The following CYP4B1 variants were observed in gnomAD, a reference collection of about 807,000 sequenced individuals.
CYP4B1 encodes cytochrome P450 family 4 subfamily B member 1, also known as cytochrome P450 4B1.
A neutral mutation model predicts 54.0 loss-of-function variants in CYP4B1; 45 were observed. That is an observed-to-expected ratio of 0.83 (90% CI 0.66 to 1.07). The LOEUF (loss-of-function observed/expected upper bound fraction) is 1.07, where lower values mean the gene tolerates loss of function less well. Ranked by LOEUF, CYP4B1 falls within the 50% of genes least tolerant of loss-of-function variation. The probability of loss-of-function intolerance (pLI) is 0.00; values close to 1 mark genes in which losing one functional copy is unlikely to be tolerated. For synonymous variants in CYP4B1, 248 were observed against 247.5 expected (o/e 1.00, Z -0.02); for missense variants, 656 against 655.4 (o/e 1.00, Z -0.01).
intron 1 of CYP4B1, among the ~76,000 whole-genome samples, chr1:46,805,001 A>T (rs66871510): frequency 6.6e-6 from 1 of 151,882 alleles, no homozygotes; most frequent in East Asian, 1.9e-4. Flanking sequence ...CTTTCTCCCC[A>T]CTTGGAATGT....
In CYP4B1 at chr1:46,799,176, T is replaced by C. The variant is rs752554919; in HGVS notation, c.95T>C (p.Leu32Pro). ...LVLGFLKLIHLLLRRQTLAKA... is the reference protein window; with the variant it reads ...LVLGFLKLIHPLLRRQTLAKA... The stretch of plus-strand genomic sequence containing the variant: ...TTAGGCTTTCTCAAGCTCATCCACC[T>C]GCTGCTGCGGAGGCAGACGTTGGCT... The change falls in exon 1 of 12, where the codon CTG (leucine) becomes CCG (proline). Residue 32 changes from leucine to proline, a missense_variant. Leu to Pro is a moderately conservative substitution (Grantham distance 98). Transcript: ENST00000371923. 3.8e-5 allele frequency: 61 copies of C among 1,612,496 alleles called. No homozygotes were observed. The highest frequency in any genetic ancestry group is 5.1e-5 in the Non-Finnish European group (60 of 1,179,430).
At chr1:46,800,238 T>TTTCCTTCCTTCC (rs1216147120) in intron 1 of CYP4B1, among the ~76,000 whole-genome samples, 811 of 42,316 alleles carry the variant, frequency 0.019, 19 homozygotes, top group Non-Finnish European at 0.021. Flanking sequence ...TCTTTCTTTC[T>TTTCCTTCCTTCC]TTCCTTCCTT....
At chr1:46,809,160 CA>C (rs1181335281) in intron 1 of CYP4B1, among the ~76,000 whole-genome samples, 1 of 150,770 alleles carries the variant, frequency 6.6e-6, no homozygotes, top group Non-Finnish European at 1.5e-5. Flanking sequence ...AAAAAATAAA[CA>C]ATATGCAAAA....
Position 46,812,571 on chromosome 1 carries a change from A to T in CYP4B1, c.443A>T (p.Asp148Val), listed in dbSNP as rs144157811. The T allele has an allele frequency of 6.8e-6, 11 of 1,613,952 alleles. No homozygotes were observed. Among genetic ancestry groups the T allele is most frequent in the Non-Finnish European group, 5.9e-6 (7 of 1,179,990 alleles). Residue 148 changes from aspartate (D) to valine (V), a missense_variant, in exon 4 of 12, where the codon GAT becomes GTT. Physicochemically the swap from Asp to Val is radical, Grantham distance 152. Transcript: ENST00000371923. ...CTGCTCACACCTGGCTTTCATTATG[A>T]TGTGCTGAAGCCCTATGTGGCCGTG... ...RKLLTPGFHY[D>V]VLKPYVAVFT...
chr1:46,802,100 C>G (rs1425430781), intron 1 of CYP4B1, among the ~76,000 whole-genome samples: 1 of 152,122 alleles, frequency 6.6e-6, no homozygotes, highest in Admixed American at 6.5e-5. Context: ...GTCTAGGAAC[C>G]AGGGAGGACT....
chr1:46,818,101 C>A (rs373023642), intron 10 of CYP4B1, 30 bp from the exon 11 acceptor site: 2 of 1,613,588 alleles, frequency 1.2e-6, no homozygotes, highest in African/African-American at 1.3e-5. Flanking sequence ...CAGAACCTGG[C>A]GAGTGTTTAA....
Position 46,813,955 on chromosome 1 carries a change from A to G in CYP4B1, c.667A>G (p.Met223Val). The G allele has an allele frequency of 6.2e-7, 1 of 1,614,122 alleles. No individual in the cohort carries two copies. ...YLAVSDLTLL[M>V]QQRLVSFQYH... ...TGCAGTCAGCGATCTCACTCTGTTG[A>G]TGCAGCAGCGCCTTGTGTCCTTCCA... is the stretch of plus-strand genomic sequence containing the variant. The change falls in exon 6 of 12, where the codon ATG becomes GTG. Residue 223 changes from methionine (M) to valine (V), a missense_variant. Physicochemically the swap from Met to Val is conservative, Grantham distance 21 (BLOSUM62 1). Transcript: ENST00000371923.
Position 46,810,825 on chromosome 1 carries a change from C to A in CYP4B1, c.198C>A (p.Ser66Arg). 6.2e-7 allele frequency: 1 copy of A among 1,614,182 alleles called. No homozygotes were observed. The highest frequency in any genetic ancestry group is 8.5e-7 in the Non-Finnish European group (1 of 1,180,032). Residue 66 changes from serine (S) to arginine (R), a missense_variant, in exon 2 of 12, where the codon AGC (serine) becomes AGA (arginine). By Grantham distance (110) the Ser-to-Arg change is moderately radical (BLOSUM62 -1). Coordinates refer to ENST00000371923, the MANE Select transcript of CYP4B1 (RefSeq NM_001099772.2). ...CATTTCAGATCCAGGAGACGGGGAG[C>A]CTGGACAAAGTGGTGTCCTGGGCCC... The part of the protein sequence containing the change: ...GHALEIQETG[S>R]LDKVVSWAHQ...
intron 1 of CYP4B1, among the ~76,000 whole-genome samples, chr1:46,808,206 T>C (rs559424577): frequency 6.6e-6 from 1 of 152,318 alleles, no homozygotes; most frequent in East Asian, 1.9e-4. Context: ...TCTAGATCCC[T>C]GAGGAATCGC....
rs770562848 is a variant in CYP4B1, at chr1:46,814,259, A to G, written c.826A>G (p.Lys276Glu). The stretch of plus-strand genomic sequence containing the variant: ...AGCCCTGCAGGATGAGAAGGTGCGG[A>G]AGAAGATCCAGAACCGGAGGCACCT... ...KAALQDEKVR[K>E]KIQNRRHLDF... The change falls in exon 7 of 12, where the codon AAG (lysine) becomes GAG (glutamate). Residue 276 changes from lysine to glutamate, a missense_variant. Physicochemically the swap from Lys to Glu is moderately conservative, Grantham distance 56. Transcript: ENST00000371923. The G allele has an allele frequency of 6.2e-6, 10 of 1,614,024 alleles. No homozygotes were observed. The highest frequency in any genetic ancestry group is 8.5e-6 in the Non-Finnish European group (10 of 1,180,012).
At chr1:46,814,385 C>A in intron 7 of CYP4B1, 70 bp downstream of exon 7, 2 of 1,128,760 alleles carry the variant, frequency 1.8e-6, no homozygotes, top group Non-Finnish European at 2.6e-6. Flanking sequence ...CCTCCCAGGA[C>A]AGCAGAAGGA....
intron 4 of CYP4B1, 123 bp downstream of exon 4, chr1:46,812,746 G>C: frequency 9.1e-7 from 1 of 1,096,980 alleles, no homozygotes; most frequent in Non-Finnish European, 1.3e-6. Context: ...GAGCCCCAAG[G>C]CCTGTTCTGC....
chr1:46,814,949 C>A, intron 7 of CYP4B1, 125 bp from the exon 8 acceptor site: 2 of 792,288 alleles, frequency 2.5e-6, no homozygotes, highest in South Asian at 3.4e-5. Context: ...AGGTCCTAAT[C>A]CACCCTCTGA....
Position 46,818,731 on chromosome 1 carries a change from A to G in CYP4B1, c.1456A>G (p.Ile486Val), listed in dbSNP as rs1259402724. The stretch of plus-strand genomic sequence containing the variant: ...CTCTCTGGACCCCTCACGGCTGCCC[A>G]TCAAGATGCCCCAGCTTGTCCTGCG... ...EFSLDPSRLP[I>V]KMPQLVLRSK... The change falls in exon 12 of 12, where the codon ATC (isoleucine) becomes GTC (valine). Residue 486 changes from isoleucine to valine, a missense_variant. Coordinates refer to ENST00000371923, the MANE Select transcript of CYP4B1 (RefSeq NM_001099772.2). 6.2e-7 allele frequency: 1 copy of G among 1,614,170 alleles called. No individual in the cohort carries two copies. Among genetic ancestry groups the G allele is most frequent in the South Asian group, 1.1e-5 (1 of 91,082 alleles).
Position 46,800,243 on chromosome 1 carries a change from TTCCTTCCTTCC to T in CYP4B1, c.180+984_180+994del, listed in dbSNP as rs1557484752. On this transcript the variant is annotated intron_variant, in intron 1 of 11. Transcript: ENST00000371923. ...TTTCTCTCTTTCTTTCTTTCTTTCC[TTCCTTCCTTCC>T]TTCCTTCCTTCCTTCCTTCCTTCCT... Among the ~76,000 whole-genome samples the T allele has an allele frequency of 4.3e-3, 68 of 15,820 alleles. 13 individuals are homozygous for T. The highest frequency in any genetic ancestry group is 7.5e-3 in the African/African-American group (64 of 8,570). The allele number at this position is 15,820 out of a possible 152,430, so 10.4% of individuals were successfully genotyped here. A position where few individuals can be genotyped will look rare whatever the true frequency, so the allele number is the denominator to read the frequency against.
chr1:46,810,696 G>A, intron 1 of CYP4B1, 112 bp from the exon 2 acceptor site: 1 of 1,156,680 alleles, frequency 8.6e-7, no homozygotes, highest in Non-Finnish European at 1.3e-6. Flanking sequence ...GAGAGGTAAG[G>A]AAGCAACCAG....
rs1259742850 is a variant in CYP4B1 at position 46,799,066 on chromosome 1, G to A, written c.-16G>A. On this transcript the variant is annotated 5_prime_UTR_variant, in exon 1 of 12. It introduces an in-frame stop codon into an upstream open reading frame of the 5' UTR. Transcript: ENST00000371923. ...AAGGCAGGTCAGATGAAGGCTAGGTGGCTGGAACTGCAACCATGGTGCCCA... is the reference window on the plus strand; with the variant it reads ...AAGGCAGGTCAGATGAAGGCTAGGTAGCTGGAACTGCAACCATGGTGCCCA... 1.9e-6 allele frequency: 3 copies of A among 1,613,548 alleles called. No homozygotes were observed. The highest frequency in any genetic ancestry group is 2.7e-5 in the African/African-American group (2 of 75,042).
chr1:46,811,294 C>T (rs146280088), intron 3 of CYP4B1, 110 bp downstream of exon 3: 53 of 1,153,854 alleles, frequency 4.6e-5, no homozygotes, highest in Admixed American at 3.4e-4. Flanking sequence ...GCCTAGTTCT[C>T]GGGTGCCCAT....
At chr1:46,816,866 C>A (rs145853281) in intron 8 of CYP4B1, among the ~76,000 whole-genome samples, 182 bp from the exon 9 acceptor site, 1 of 152,216 alleles carries the variant, frequency 6.6e-6, no homozygotes, top group East Asian at 1.9e-4. Context: ...GGAACCAGAT[C>A]CTTTAGATCT....
Sources: gnomAD v4.1 joint callset for allele counts (sites outside exome capture counted in the v4.1 genomes callset) on GRCh38, gnomAD v4.1.1 for gene constraint, MANE v1.5 for transcripts, NCBI Gene and HGNC (gene_info 2026-07-23, HGNC 2026-07-21) for gene names.